DLC1: variants seen among roughly 807,000 people sequenced by gnomAD.
DLC1 encodes the protein rho GTPase-activating protein 7.
In DLC1, 54 loss-of-function variants were observed where a neutral mutation model predicts 140.3. The observed-to-expected ratio is 0.38, with a 90% CI of 0.31 to 0.48. DLC1 has a LOEUF of 0.48. DLC1 is among the 20% of genes least tolerant of loss of function. The pLI is 0.96. For synonymous variants in DLC1, 986 were observed against 728.1 expected, an observed-to-expected ratio of 1.35 and a Z score of -5.70; for missense variants, 2,536 against 1,907.0, an observed-to-expected ratio of 1.33 and a Z score of -6.14.
intron 4 of DLC1, among the ~76,000 whole-genome samples, chr8:13,376,774 C>T (rs1836010212): frequency 6.6e-6 from 1 of 152,152 alleles, no homozygotes; most frequent in South Asian, 2.1e-4. Flanking sequence ...TTAGAGGTGA[C>T]TGAAGCAAGA....
At chr8:13,458,639 C>A (rs960911119) in intron 2 of DLC1, among the ~76,000 whole-genome samples, 1 of 152,122 alleles carries the variant, frequency 6.6e-6, no homozygotes, top group African/African-American at 2.4e-5. Flanking sequence ...TATGAAATCA[C>A]AAATGTTGCT....
At chr8:13,472,357 A>G (rs555845110) in intron 2 of DLC1, among the ~76,000 whole-genome samples, 2 of 152,300 alleles carry the variant, frequency 1.3e-5, no homozygotes, top group African/African-American at 4.8e-5. Flanking sequence ...GGAATGAGTG[A>G]GGGAATGAGA....
At chr8:13,126,180 G>C (rs987089003) in intron 5 of DLC1, among the ~76,000 whole-genome samples, 4 of 151,998 alleles carry the variant, frequency 2.6e-5, no homozygotes, top group African/African-American at 7.3e-5. Context: ...GTTATTTCCA[G>C]GAACAGAAAA....
intron 4 of DLC1, among the ~76,000 whole-genome samples, chr8:13,354,352 G>A (rs1563278220): frequency 1.3e-5 from 2 of 152,176 alleles, no homozygotes; most frequent in South Asian, 4.2e-4. Context: ...TTGACTTTGA[G>A]CTTGGTGAAA....
At chr8:13,413,320 C>A (rs1475576706) in intron 2 of DLC1, among the ~76,000 whole-genome samples, 1 of 118,322 alleles carries the variant, frequency 8.5e-6, no homozygotes, top group African/African-American at 3.2e-5. Flanking sequence ...TTATGTGTGG[C>A]CCAAGATAAT....
At chr8:13,380,201 C>G (rs1300945042) in intron 4 of DLC1, among the ~76,000 whole-genome samples, 1 of 152,150 alleles carries the variant, frequency 6.6e-6, no homozygotes, top group Non-Finnish European at 1.5e-5. Flanking sequence ...ATAAAGACCA[C>G]AAATAAGAAA....
At chr8:13,108,210 C>A (rs1025666026) in intron 7 of DLC1, among the ~76,000 whole-genome samples, 1 of 152,084 alleles carries the variant, frequency 6.6e-6, no homozygotes, top group Non-Finnish European at 1.5e-5. Context: ...CATTACAAAC[C>A]AGTTGATGAC....
rs568096477 is a variant in DLC1 at position 13,462,166 on chromosome 8, C to A, written c.1023+36883G>T. On this transcript the variant is annotated intron_variant, in intron 2 of 17. Transcript: ENST00000276297. ...GCAAGGCCAGACGCCTCATGGTTCA[C>A]CAAATATATTTTCAACTTATTTTGT... is the stretch of plus-strand genomic sequence containing the variant. 3.3e-5 allele frequency among the ~76,000 whole-genome samples: 5 copies of A among 152,254 alleles called. No individual in the cohort carries two copies. In the South Asian group the frequency reaches 6.2e-4, roughly 19 times the overall value.
At chr8:13,323,500 C>T (rs73562575) in intron 4 of DLC1, among the ~76,000 whole-genome samples, 11,317 of 152,150 alleles carry the variant, frequency 0.074, 488 homozygotes, top group South Asian at 0.097. Context: ...TTTCTTGCAT[C>T]ATTCTTTGCA....
chr8:13,556,476 C>A (rs1028436157), intron 1 of DLC1, among the ~76,000 whole-genome samples: 1 of 152,284 alleles, frequency 6.6e-6, no homozygotes, highest in East Asian at 1.9e-4. Context: ...AATTTGAATA[C>A]CCGGCAGGGG....
At chr8:13,097,297 T>C (rs191205228) in intron 10 of DLC1, among the ~76,000 whole-genome samples, 253 of 151,086 alleles carry the variant, frequency 1.7e-3, no homozygotes, top group Admixed American at 3.5e-3. Flanking sequence ...AGTCTTACTC[T>C]GTCACCCAGG....
intron 5 of DLC1, among the ~76,000 whole-genome samples, chr8:13,192,854 G>A (rs930656192): frequency 1.2e-4 from 18 of 152,168 alleles, no homozygotes; most frequent in Admixed American, 7.2e-4. Flanking sequence ...GAGAGGCCTC[G>A]GAGGAATCCG....
At position 13,579,245 on chromosome 8, in the gene DLC1, CATATATAT is replaced by C. The variant is rs749246152; in HGVS notation, c.-126+25284_-126+25291del. Among the ~76,000 whole-genome samples, 5 of 18,898 alleles carry C rather than the reference CATATATAT, an allele frequency of 2.6e-4. 1 individual carries two copies. Among genetic ancestry groups the C allele is most frequent in the South Asian group, 3.1e-3 (1 of 324 alleles). The allele number at this position is 18,898 out of a possible 152,430, so 12.4% of individuals were successfully genotyped here. ...GGAGCTCTAATTGAGGAACAGGGAG[CATATATAT>C]ATATATATATATATATGCACATATC... On this transcript the variant is annotated intron_variant, in intron 1 of 1. Transcript: ENST00000631382.
intron 2 of DLC1, among the ~76,000 whole-genome samples, chr8:13,486,539 C>T (rs528034806): frequency 6.6e-6 from 1 of 152,282 alleles, no homozygotes; most frequent in African/African-American, 2.4e-5. Flanking sequence ...AGCAACTTCA[C>T]ACTGGTACCA....
intron 15 of DLC1, 30 bp from the exon 16 acceptor site, chr8:13,088,734 A>C (rs1237862009): frequency 6.2e-7 from 1 of 1,610,096 alleles, no homozygotes; most frequent in Admixed American, 1.7e-5. Flanking sequence ...TTCAGTGCCA[A>C]GGCAATCCAT....
intron 1 of DLC1, chr8:13,558,909 A>C (rs1804147632): frequency 6.6e-6 from 1 of 152,232 alleles, no homozygotes; most frequent in Non-Finnish European, 1.5e-5. Context: ...AAAATTACAA[A>C]TGATTGGCTT....
chr8:13,504,774 C>CT (rs969561181), intron 1 of DLC1, among the ~76,000 whole-genome samples: 5 of 151,016 alleles, frequency 3.3e-5, no homozygotes, highest in African/African-American at 7.3e-5. Context: ...AAAAGTCTTA[C>CT]TTTTTTTTTA....
chr8:13,559,353 C>A (rs535860100), intron 1 of DLC1: 57 of 152,328 alleles, frequency 3.7e-4, no homozygotes, highest in African/African-American at 1.4e-3. Flanking sequence ...GTCTTGCATT[C>A]TTCAGTGACA....
In DLC1 at chr8:13,476,468, G is replaced by GTTTTTTTTT. The variant is rs11412815; in HGVS notation, c.1023+22580_1023+22581insAAAAAAAAA. On this transcript the variant is annotated intron_variant, in intron 2 of 17. Transcript: ENST00000276297. ...CATTTTCACATCCACATACAGTGCA[G>GTTTTTTTTT]TGTTTTTTTTTTTAGTATGGCTAAT... is the stretch of plus-strand genomic sequence containing the variant. Among the ~76,000 whole-genome samples the GTTTTTTTTT allele has an allele frequency of 1.3e-5, 2 of 148,528 alleles. 1 individual carries two copies. The highest frequency in any genetic ancestry group is 3.0e-5 in the Non-Finnish European group (2 of 67,212).
Sources: allele counts gnomAD v4.1 joint callset (sites outside exome capture counted in the v4.1 genomes callset), GRCh38; gene constraint gnomAD v4.1.1; transcripts MANE v1.5; gene names NCBI Gene and HGNC (gene_info 2026-07-23, HGNC 2026-07-21).